The following TEAD1 variants were observed in gnomAD, a reference collection of about 807,000 sequenced individuals.
The protein encoded by TEAD1 is TEA domain transcription factor 1, also known as transcriptional enhancer factor TEF-1.
Under a neutral mutation model 54.9 loss-of-function variants are expected in TEAD1, and 9 were observed. The ratio of observed to expected loss-of-function variants is 0.16; its 90% CI spans 0.10 to 0.29. The LOEUF (loss-of-function observed/expected upper bound fraction) is 0.29, where lower values mean the gene tolerates loss of function less well. Among genes scored for constraint, TEAD1 ranks in the 10% least tolerant of loss-of-function variants. The pLI is 1.00. For missense variants in TEAD1, 387 were observed against 535.9 expected (o/e 0.72, Z 2.74); for synonymous variants, 200 against 187.8 (o/e 1.07, Z -0.53).
chr11:12,757,221 A>C (rs545331981), intron 2 of TEAD1, among the ~76,000 whole-genome samples: 14 of 151,846 alleles, frequency 9.2e-5, no homozygotes, highest in Admixed American at 4.6e-4. Flanking sequence ...TGCTCACTCA[A>C]GTTTGCTTTA....
intron 10 of TEAD1, among the ~76,000 whole-genome samples, chr11:12,910,419 A>G (rs766250759): frequency 9.2e-5 from 14 of 152,200 alleles, no homozygotes; most frequent in South Asian, 2.1e-4. Flanking sequence ...TTAACATTCT[A>G]TTCATAAACA....
At chr11:12,927,734 G>T (rs959281330) in intron 11 of TEAD1, among the ~76,000 whole-genome samples, 9 of 151,948 alleles carry the variant, frequency 5.9e-5, no homozygotes, top group Admixed American at 5.9e-4. Context: ...ATACAGGTTT[G>T]TCTCTTTCTT....
At chr11:12,858,991 A>G (rs1444446674) in intron 3 of TEAD1, among the ~76,000 whole-genome samples, 5 of 152,230 alleles carry the variant, frequency 3.3e-5, no homozygotes, top group Non-Finnish European at 5.9e-5. Flanking sequence ...GTATCTAAAC[A>G]TAATCTAAAC....
At chr11:12,931,711 G>T (rs1431586573) in intron 12 of TEAD1, among the ~76,000 whole-genome samples, 1 of 152,132 alleles carries the variant, frequency 6.6e-6, no homozygotes, top group Non-Finnish European at 1.5e-5. Context: ...TTCAGCTAAT[G>T]AAATTCCTTA....
At chr11:12,906,991 G>A (rs1057443746) in intron 10 of TEAD1, among the ~76,000 whole-genome samples, 11 of 152,142 alleles carry the variant, frequency 7.2e-5, no homozygotes, top group Non-Finnish European at 1.5e-4. Flanking sequence ...TGGACATACC[G>A]TTTCATCTTT....
intron 2 of TEAD1, among the ~76,000 whole-genome samples, chr11:12,703,820 G>A (rs760883091): frequency 1.5e-4 from 23 of 152,294 alleles, no homozygotes; most frequent in Non-Finnish European, 1.0e-4. Flanking sequence ...TCTATTGCCT[G>A]TGCTCTTGAG....
intron 2 of TEAD1, among the ~76,000 whole-genome samples, chr11:12,743,032 T>C (rs929061105): frequency 6.6e-6 from 1 of 152,234 alleles, no homozygotes; most frequent in African/African-American, 2.4e-5. Context: ...GCTAGCACCT[T>C]CTTGGTTTTC....
chr11:12,688,813 C>T (rs1424487064), intron 2 of TEAD1, among the ~76,000 whole-genome samples: 1 of 152,152 alleles, frequency 6.6e-6, no homozygotes, highest in Non-Finnish European at 1.5e-5. Context: ...TCTGTTGGTT[C>T]CCCCAACCCA....
chr11:12,915,614 G>A (rs544173858), intron 10 of TEAD1, among the ~76,000 whole-genome samples: 6 of 152,358 alleles, frequency 3.9e-5, no homozygotes, highest in South Asian at 2.1e-4. Context: ...TTGGGAGGCC[G>A]AGGCAGGTGG....
In TEAD1 at chr11:12,940,154, GC is replaced by G. The variant is rs1949146886; in HGVS notation, c.*2933del. The G allele has an allele frequency of 6.6e-6, 1 of 152,182 alleles. No individual in the cohort carries two copies. 9.4% of individuals were successfully genotyped at this position (152,182 alleles called of 1,614,324 possible). ...CTGGGCATTCATTTCCCTCATAGAG[GC>G]TGAGAATAAAACAAGGACTTATTCA... On this transcript the variant is annotated 3_prime_UTR_variant, in exon 13 of 13. Transcript: ENST00000527636.
At chr11:12,677,859 ATTAC>A (rs759700181) in intron 2 of TEAD1, among the ~76,000 whole-genome samples, 154 of 152,324 alleles carry the variant, frequency 1.0e-3, no homozygotes, top group Non-Finnish European at 1.9e-3. Flanking sequence ...CATTTGTGGG[ATTAC>A]TTTTCTCTCT....
chr11:12,721,711 G>A (rs1169268967), intron 2 of TEAD1, among the ~76,000 whole-genome samples: 1 of 152,110 alleles, frequency 6.6e-6, no homozygotes, highest in East Asian at 1.9e-4. Context: ...AAAAAAGTCT[G>A]GAAAATATAG....
intron 2 of TEAD1, among the ~76,000 whole-genome samples, chr11:12,745,858 TCTC>T (rs1458102717): frequency 1.3e-5 from 2 of 152,206 alleles, no homozygotes; most frequent in African/African-American, 2.4e-5. Flanking sequence ...GGCTCTGTCT[TCTC>T]CTGCCAAGGC....
intron 2 of TEAD1, among the ~76,000 whole-genome samples, chr11:12,728,698 C>T (rs549119055): frequency 6.6e-6 from 1 of 152,188 alleles, no homozygotes; most frequent in South Asian, 2.1e-4. Context: ...GTTTGACTTG[C>T]AAGCCTGTGG....
At position 12,937,367 on chromosome 11, in the gene TEAD1, A is replaced by G. The variant is rs1014514615; in HGVS notation, c.*145A>G. 61 of 633,330 alleles carry G rather than the reference A, an allele frequency of 9.6e-5. No homozygotes were observed. Among genetic ancestry groups the G allele is most frequent in the Non-Finnish European group, 1.5e-4 (53 of 357,390 alleles). The allele number at this position is 633,330 out of a possible 1,614,324, so 39.2% of individuals were successfully genotyped here. ...GCCCCGAGGTCACCCCGACTTTTCTAAATCTTGTTTGAGTGAAGTCATTTT... is the reference window on the plus strand; with the variant it reads ...GCCCCGAGGTCACCCCGACTTTTCTGAATCTTGTTTGAGTGAAGTCATTTT... On this transcript the variant is annotated 3_prime_UTR_variant, in exon 13 of 13. Coordinates refer to ENST00000527636, the MANE Select transcript of TEAD1 (RefSeq NM_021961.6).
chr11:12,864,564 C>G, intron 4 of TEAD1: 8 of 768,268 alleles, frequency 1.0e-5, no homozygotes, highest in Middle Eastern at 4.5e-4. Context: ...AACCACCCCC[C>G]AACCCCACCC....
intron 3 of TEAD1, among the ~76,000 whole-genome samples, chr11:12,779,711 A>T (rs138985489): frequency 4.5e-4 from 69 of 152,370 alleles, no homozygotes; most frequent in African/African-American, 1.5e-3. Context: ...TCAGCAACAT[A>T]TAAAAAGGTT....
chr11:12,864,679 A>G, intron 4 of TEAD1, 159 bp from the exon 5 acceptor site: 1 of 1,485,580 alleles, frequency 6.7e-7, no homozygotes, highest in East Asian at 2.4e-5. Context: ...AAACCCGAAC[A>G]ATGTAGGTGT....
intron 9 of TEAD1, among the ~76,000 whole-genome samples, chr11:12,890,507 G>C (rs1325764180): frequency 6.6e-6 from 1 of 152,148 alleles, no homozygotes; most frequent in East Asian, 1.9e-4. Context: ...TTTGAGATTT[G>C]GGGCAGATTA....
Sources: allele counts gnomAD v4.1 joint callset (sites outside exome capture counted in the v4.1 genomes callset), GRCh38; gene constraint gnomAD v4.1.1; transcripts MANE v1.5; gene names NCBI Gene and HGNC (gene_info 2026-07-23, HGNC 2026-07-21).